BPIFB2: variants seen among roughly 807,000 people sequenced by gnomAD.
BPIFB2 encodes the protein BPI fold containing family B member 2.
Under a neutral mutation model 50.1 loss-of-function variants are expected in BPIFB2, and 39 were observed. The ratio of observed to expected loss-of-function variants is 0.78; its 90% CI spans 0.60 to 1.02. The LOEUF is 1.02. BPIFB2 is among the 50% of genes least tolerant of loss of function. The pLI is 0.00. For missense variants in BPIFB2, 574 were observed against 585.8 expected, an observed-to-expected ratio of 0.98 and a Z score of 0.21; for synonymous variants, 280 against 256.3, an observed-to-expected ratio of 1.09 and a Z score of -0.88.
At chr20:33,014,940 G>A (rs1978362501) in intron 5 of BPIFB2, among the ~76,000 whole-genome samples, 2 of 152,160 alleles carry the variant, frequency 1.3e-5, no homozygotes, top group Admixed American at 6.5e-5. Context: ...GGCTTGGATC[G>A]ACATTTTTGC....
Position 33,009,112 on chromosome 20 carries a change from C to T in BPIFB2, c.109+429C>T, listed in dbSNP as rs1036787409. On this transcript the variant is annotated intron_variant, in intron 2 of 15. Transcript: ENST00000170150. This position sits in a 1 kb window ranked among gnomAD's most constrained non-coding sequence, Gnocchi z 4.2. ...TACGGCTGTTCACCCTGGGTGTACA[C>T]GTTTGCGTATGTGGTGTGTGCACGC... Among the ~76,000 whole-genome samples, 12 of 152,106 alleles carry T rather than the reference C, an allele frequency of 7.9e-5. No individual in the cohort carries two copies. The highest frequency in any genetic ancestry group is 1.4e-4 in the African/African-American group (6 of 41,398).
intron 6 of BPIFB2, among the ~76,000 whole-genome samples, chr20:33,015,758 G>A (rs1978403939): frequency 6.6e-6 from 1 of 152,090 alleles, no homozygotes; most frequent in African/African-American, 2.4e-5. Flanking sequence ...CCAATTTCAT[G>A]CTAGAGGGTG....
At chr20:33,015,049 G>T (rs1374259217) in intron 5 of BPIFB2, among the ~76,000 whole-genome samples, 1 of 152,224 alleles carries the variant, frequency 6.6e-6, no homozygotes, top group Non-Finnish European at 1.5e-5. Context: ...GTGTGTCACA[G>T]AAAATTGGAC....
chr20:33,021,764 C>T lies in BPIFB2; in HGVS notation c.1300C>T (p.Leu434Phe). ...AATTGCCCTCCCTGGTGTGGTCAAC[C>T]TCCACTATGTCGCCCCTGAGATCTT... ...MGIALPGVVN[L>F]HYVAPEIFVY... Residue 434 changes from leucine to phenylalanine, a missense_variant, in exon 15 of 16, where the codon CTC becomes TTC. Leu to Phe is a conservative substitution (Grantham distance 22). Transcript: ENST00000170150. 6.2e-7 allele frequency: 1 copy of T among 1,614,154 alleles called. No homozygotes were observed. Among genetic ancestry groups the T allele is most frequent in the Non-Finnish European group, 8.5e-7 (1 of 1,180,010 alleles).
At chr20:33,008,302 C>A (rs767897949) in intron 1 of BPIFB2, among the ~76,000 whole-genome samples, 3 of 152,112 alleles carry the variant, frequency 2.0e-5, no homozygotes, top group African/African-American at 7.2e-5. Flanking sequence ...CTAGGCAAGA[C>A]CATTTCTTCT....
intron 15 of BPIFB2, among the ~76,000 whole-genome samples, chr20:33,023,106 A>G (rs894434150): frequency 2.0e-5 from 3 of 152,234 alleles, no homozygotes; most frequent in African/African-American, 7.2e-5. Flanking sequence ...CCATCGGAGC[A>G]GCAACCAGTG....
chr20:33,016,839 C>T (rs1417289309), intron 6 of BPIFB2, among the ~76,000 whole-genome samples: 1 of 152,244 alleles, frequency 6.6e-6, no homozygotes, highest in Non-Finnish European at 1.5e-5. Flanking sequence ...CTGCCATCAG[C>T]CTTTGGGTTG....
chr20:33,020,466 G>A, intron 12 of BPIFB2, 71 bp downstream of exon 12: 1 of 1,597,488 alleles, frequency 6.3e-7, no homozygotes, highest in Non-Finnish European at 8.6e-7. Context: ...ACCACCCTGG[G>A]TCACGGTGTT....
At position 33,018,491 on chromosome 20, in the gene BPIFB2, C is replaced by G. The variant is rs1056988503; in HGVS notation, c.669+141C>G. On this transcript the variant is annotated intron_variant, in intron 8 of 15. Transcript: ENST00000170150. Reference sequence around the variant, plus strand: ...GTGTCCCAGCCGGGAGCATGCCACACAGGCGAAAGTGTGAACTACACATGT... The same window carrying G: ...GTGTCCCAGCCGGGAGCATGCCACAGAGGCGAAAGTGTGAACTACACATGT... 9.3e-6 allele frequency: 12 copies of G among 1,290,342 alleles called. No homozygotes were observed. The African/African-American group carries it at 1.6e-4, about 18-fold the overall frequency. The allele number at this position is 1,290,342 out of a possible 1,614,324, so 79.9% of individuals were successfully genotyped here.
intron 15 of BPIFB2, 52 bp from the exon 16 acceptor site, chr20:33,023,290 G>A: frequency 6.4e-7 from 1 of 1,570,438 alleles, no homozygotes; most frequent in Middle Eastern, 1.8e-4. Flanking sequence ...GGGCGGCTGG[G>A]GTCCTGCCTG....
Position 33,017,110 on chromosome 20 carries a change from C to T in BPIFB2, c.577+8C>T. 1 of 1,613,524 alleles carries T rather than the reference C, an allele frequency of 6.2e-7. No homozygotes were observed. Among genetic ancestry groups the T allele is most frequent in the Non-Finnish European group, 8.5e-7 (1 of 1,179,794 alleles). On this transcript the variant is annotated splice_region_variant and intron_variant, in intron 7 of 15. Transcript: ENST00000170150. ...ACCTGGGCACCTTAATTGGTAAGAT[C>T]TGGGAGCCAGGGGAGGGGGCTGGGG...
In BPIFB2 at chr20:33,018,722, G is replaced by A. The variant is rs764954423; in HGVS notation, c.755G>A (p.Gly252Asp). 1.2e-6 allele frequency: 2 copies of A among 1,614,204 alleles called. No individual in the cohort carries two copies. Among genetic ancestry groups the A allele is most frequent in the African/African-American group, 1.3e-5 (1 of 75,054 alleles). Residue 252 changes from glycine to aspartate, a missense_variant, in exon 9 of 16, where the codon GGC (glycine) becomes GAC (aspartate). Gly to Asp is a moderately conservative substitution (Grantham distance 94). Coordinates refer to ENST00000170150, the MANE Select transcript of BPIFB2 (RefSeq NM_025227.3). ...TTGCCAAGGCATGTGGGTACCGAGG[G>A]CTCCATGGCCACCGTGGGCCTCTCC... ...FVLPRHVGTE[G>D]SMATVGLSQQ... is the part of the protein sequence containing the mutation.
rs987549268 is a variant in BPIFB2 at position 33,015,611 on chromosome 20, A to AAAAAT, written c.516+117_516+118insAATAA. ...CTTTGCTTGGGATTAAAAAAAAAAAAAAGACGCCCCTTCATGGTCCCCATG... is the reference window on the plus strand; with the variant it reads ...CTTTGCTTGGGATTAAAAAAAAAAAAAAAATAAGACGCCCCTTCATGGTCCCCATG... On this transcript the variant is annotated intron_variant, in intron 6 of 15. Coordinates refer to ENST00000170150, the MANE Select transcript of BPIFB2 (RefSeq NM_025227.3). 3.2e-6 allele frequency: 3 copies of AAAAAT among 927,062 alleles called. No homozygotes were observed. In the African/African-American group the frequency reaches 5.1e-5, roughly 16 times the overall value. 57.4% of individuals were successfully genotyped at this position (927,062 alleles called of 1,614,324 possible). A position where few individuals can be genotyped will look rare whatever the true frequency, so the allele number is the denominator to read the frequency against.
At chr20:33,018,849 C>T (rs758660625) in intron 9 of BPIFB2, 27 bp downstream of exon 9, 4 of 1,597,398 alleles carry the variant, frequency 2.5e-6, no homozygotes, top group African/African-American at 2.7e-5. Context: ...CAGCCCAGGG[C>T]CTGTGGGGCA....
intron 6 of BPIFB2, 65 bp downstream of exon 6, chr20:33,015,561 A>G: frequency 7.0e-7 from 1 of 1,419,576 alleles, no homozygotes; most frequent in Non-Finnish European, 9.7e-7. Flanking sequence ...CAGTGAAGAA[A>G]GAGTGGGATT....
At chr20:33,023,293 C>G (rs1324897535) in intron 15 of BPIFB2, 49 bp from the exon 16 acceptor site, 5 of 1,581,780 alleles carry the variant, frequency 3.2e-6, no homozygotes, top group East Asian at 4.5e-5. Flanking sequence ...CGGCTGGGGT[C>G]CTGCCTGTGC....
intron 14 of BPIFB2, 120 bp downstream of exon 14, chr20:33,021,464 C>A: frequency 8.4e-7 from 1 of 1,196,234 alleles, no homozygotes; most frequent in Non-Finnish European, 1.2e-6. Context: ...GAGGGGGCCT[C>A]TGGAGTCTAG....
chr20:33,015,356 T>A, intron 5 of BPIFB2, 80 bp from the exon 6 acceptor site: 1 of 1,340,298 alleles, frequency 7.5e-7, no homozygotes, highest in African/African-American at 1.5e-5. Flanking sequence ...AGACTTCTCT[T>A]CCCAGACGTG....
Position 33,019,833 on chromosome 20 carries a change from C to G in BPIFB2, c.1080+83C>G, listed in dbSNP as rs558686597. 30 of 1,416,584 alleles carry G rather than the reference C, an allele frequency of 2.1e-5. No individual in the cohort carries two copies. In the East Asian group the frequency reaches 6.1e-4, roughly 29 times the overall value. The allele number at this position is 1,416,584 out of a possible 1,614,324, so 87.8% of individuals were successfully genotyped here. A position where few individuals can be genotyped will look rare whatever the true frequency, so the allele number is the denominator to read the frequency against. On this transcript the variant is annotated intron_variant, in intron 11 of 15. Transcript: ENST00000170150. ...GCTTCACTGTCCCCTCATCTTTGCT[C>G]TACTCACACTATTGTCTTCGCTGTT...
Sources: allele counts gnomAD v4.1 joint callset (sites outside exome capture counted in the v4.1 genomes callset), GRCh38; gene constraint gnomAD v4.1.1; non-coding constraint Gnocchi (gnomAD v3.1); transcripts MANE v1.5; gene names NCBI Gene and HGNC (gene_info 2026-07-23, HGNC 2026-07-21).